Variants in UVRAG observed in about 807,000 individuals in gnomAD.
UVRAG encodes the protein UV radiation resistance associated.
Under a neutral mutation model 78.0 loss-of-function variants are expected in UVRAG, and 19 were observed. The ratio of observed to expected loss-of-function variants is 0.24; its 90% CI spans 0.17 to 0.36. The LOEUF (loss-of-function observed/expected upper bound fraction) is 0.36. Among genes scored for constraint, UVRAG ranks in the 10% least tolerant of loss-of-function variants. The pLI, the probability that UVRAG is intolerant of heterozygous loss-of-function variation, is 1.00. For missense variants in UVRAG, 740 were observed against 853.8 expected, an observed-to-expected ratio of 0.87 and a Z score of 1.66; for synonymous variants, 323 against 324.6, an observed-to-expected ratio of 1.00 and a Z score of 0.05.
At chr11:75,954,872 G>A (rs1345399641) in intron 6 of UVRAG, among the ~76,000 whole-genome samples, 1 of 152,172 alleles carries the variant, frequency 6.6e-6, no homozygotes, top group African/African-American at 2.4e-5. Context: ...CTACCTGTCC[G>A]TAATAGTCAG....
chr11:76,080,121 C>T (rs1951470504), intron 13 of UVRAG, among the ~76,000 whole-genome samples: 1 of 152,078 alleles, frequency 6.6e-6, no homozygotes, highest in South Asian at 2.1e-4. Flanking sequence ...GAGGGTGGAG[C>T]CTTCATGACC....
chr11:75,916,850 T>A (rs1947867692), intron 6 of UVRAG: 1 of 152,018 alleles, frequency 6.6e-6, no homozygotes, highest in South Asian at 2.1e-4. Context: ...TGTGTGGGGG[T>A]CATAAGACCA....
At position 75,960,759 on chromosome 11, in the gene UVRAG, C is replaced by A. The variant is rs377080944; in HGVS notation, c.594-685C>A. 2.9e-3 allele frequency among the ~76,000 whole-genome samples: 441 copies of A among 152,014 alleles called. 2 individuals carry two copies. Among genetic ancestry groups the A allele is most frequent in the African/African-American group, 7.8e-3 (324 of 41,466 alleles). On this transcript the variant is annotated intron_variant, in intron 6 of 14. Coordinates refer to ENST00000356136, the MANE Select transcript of UVRAG (RefSeq NM_003369.4). ...TCCAGCCTGGGCGACAGAGTGACAT[C>A]CTGTCTCAAAATAAAATTAAATTAA... is the stretch of plus-strand genomic sequence containing the variant.
At chr11:75,857,348 C>T (rs1179729872) in intron 2 of UVRAG, among the ~76,000 whole-genome samples, 2 of 152,240 alleles carry the variant, frequency 1.3e-5, no homozygotes, top group African/African-American at 2.4e-5. Context: ...TGTGTTCCAG[C>T]TAGCTGAAAT....
chr11:76,136,615 T>A (rs1210793388), intron 14 of UVRAG, among the ~76,000 whole-genome samples: 6 of 148,668 alleles, frequency 4.0e-5, no homozygotes, highest in African/African-American at 1.5e-4. Context: ...TCCTCCCACC[T>A]CAGCCCACAG....
chr11:76,132,942 G>A (rs1284945432), intron 14 of UVRAG, among the ~76,000 whole-genome samples: 1 of 152,154 alleles, frequency 6.6e-6, no homozygotes, highest in Non-Finnish European at 1.5e-5. Context: ...TAGGTAGACC[G>A]GCTTGGTTAA....
intron 7 of UVRAG, among the ~76,000 whole-genome samples, chr11:75,970,279 G>A (rs143217306): frequency 1.2e-3 from 181 of 152,290 alleles, no homozygotes; most frequent in Admixed American, 2.4e-3. Flanking sequence ...GTATTTATAT[G>A]GAAACGTAAG....
chr11:75,861,602 A>T, intron 2 of UVRAG, 144 bp from the exon 3 acceptor site: 3 of 478,104 alleles, frequency 6.3e-6, no homozygotes, highest in Non-Finnish European at 1.1e-5. Flanking sequence ...TTTTTAACAG[A>T]TAAAGATATA....
chr11:75,860,305 G>A (rs1325245626), intron 2 of UVRAG, among the ~76,000 whole-genome samples: 1 of 152,240 alleles, frequency 6.6e-6, no homozygotes. Context: ...CTAGAAATAT[G>A]TATTGCAAAA....
At chr11:75,871,849 G>C (rs1248038892) in intron 3 of UVRAG, among the ~76,000 whole-genome samples, 1 of 152,114 alleles carries the variant, frequency 6.6e-6, no homozygotes, top group Non-Finnish European at 1.5e-5. Context: ...CCCAAACTTG[G>C]TATTATCTAT....
At chr11:76,034,554 T>C (rs965199504) in intron 12 of UVRAG, among the ~76,000 whole-genome samples, 10 of 152,210 alleles carry the variant, frequency 6.6e-5, no homozygotes, top group African/African-American at 2.2e-4. Flanking sequence ...CTAGGATATA[T>C]GTTTCTCTGT....
intron 12 of UVRAG, among the ~76,000 whole-genome samples, chr11:76,048,160 A>G (rs755318161): frequency 6.6e-6 from 1 of 152,224 alleles, no homozygotes; most frequent in Non-Finnish European, 1.5e-5. Flanking sequence ...ATCACTGCAC[A>G]TAGCTATAAA....
At chr11:76,059,042 TG>T (rs2063258115) in intron 12 of UVRAG, among the ~76,000 whole-genome samples, 2 of 152,186 alleles carry the variant, frequency 1.3e-5, no homozygotes, top group Admixed American at 6.5e-5. Flanking sequence ...GCAGAGGAGT[TG>T]AAATTTAAAA....
chr11:75,884,178 T>G (rs1187838525), intron 4 of UVRAG, among the ~76,000 whole-genome samples: 3 of 151,686 alleles, frequency 2.0e-5, no homozygotes, highest in Non-Finnish European at 2.9e-5. Context: ...AAAATTAAAT[T>G]GAGCCTTGTA....
At chr11:76,017,028 A>T (rs1389206922) in intron 12 of UVRAG, 48 bp downstream of exon 12, 1 of 1,419,130 alleles carries the variant, frequency 7.0e-7, no homozygotes. Context: ...AAGCCAGTAT[A>T]AAACATGGGG....
At chr11:75,915,338 AC>A (rs1273336082) in intron 6 of UVRAG, 1 of 152,148 alleles carries the variant, frequency 6.6e-6, no homozygotes, top group Non-Finnish European at 1.5e-5. Context: ...AGGTGCTTTG[AC>A]CCATAGTTAA....
intron 7 of UVRAG, among the ~76,000 whole-genome samples, chr11:75,974,468 G>A (rs1372669546): frequency 2.8e-5 from 4 of 144,028 alleles, no homozygotes; most frequent in Admixed American, 1.4e-4. Flanking sequence ...CCGGGTTCAC[G>A]CCATTCTCCT....
intron 3 of UVRAG, among the ~76,000 whole-genome samples, chr11:75,870,278 T>G (rs1382999900): frequency 6.6e-6 from 1 of 152,234 alleles, no homozygotes; most frequent in Non-Finnish European, 1.5e-5. Flanking sequence ...CAGTGTTGTA[T>G]TGGCTTAGAA....
intron 14 of UVRAG, among the ~76,000 whole-genome samples, chr11:76,120,149 T>A (rs1952249269): frequency 1.3e-5 from 2 of 152,186 alleles, no homozygotes; most frequent in Admixed American, 1.3e-4. Context: ...GCAGCTTTAT[T>A]GGCAATGAAT....
Sources: allele counts gnomAD v4.1 joint callset (sites outside exome capture counted in the v4.1 genomes callset), GRCh38; gene constraint gnomAD v4.1.1; transcripts MANE v1.5; gene names NCBI Gene and HGNC (gene_info 2026-07-23, HGNC 2026-07-21).